LRRC42: variants seen among roughly 807,000 people sequenced by gnomAD.
LRRC42 encodes leucine-rich repeat-containing protein 42.
Under a neutral mutation model 44.3 loss-of-function variants are expected in LRRC42, and 43 were observed. That is an observed-to-expected ratio of 0.97 (90% CI 0.76 to 1.25). LRRC42 has a LOEUF of 1.25. Among genes scored for constraint, LRRC42 ranks in the 50% most tolerant of loss-of-function variants. LRRC42 has a pLI of 0.00. For synonymous variants in LRRC42, 207 were observed against 195.2 expected (o/e 1.06, Z -0.50); for missense variants, 540 against 509.1 (o/e 1.06, Z -0.58).
intron 1 of LRRC42, among the ~76,000 whole-genome samples, chr1:53,947,187 ACAGCAAGCCACCTTTCAC>A (rs1654517823): frequency 6.6e-6 from 1 of 151,720 alleles, no homozygotes. Context: ...GGTCTGTGGG[ACAGCAAGCCACCTTTCAC>A]CAGGGGCTCG....
At chr1:53,959,081 G>C (rs1654927076) in intron 4 of LRRC42, among the ~76,000 whole-genome samples, 1 of 151,762 alleles carries the variant, frequency 6.6e-6, no homozygotes, top group African/African-American at 2.4e-5. Flanking sequence ...CGGGGGTTTT[G>C]CCATGTTGGC....
chr1:53,956,760 C>T (rs1327257109), intron 3 of LRRC42, among the ~76,000 whole-genome samples: 1 of 152,224 alleles, frequency 6.6e-6, no homozygotes, highest in East Asian at 1.9e-4. Context: ...AATCACATTA[C>T]ACAGTGTTAT....
intron 8 of LRRC42, among the ~76,000 whole-genome samples, chr1:53,966,682 A>C (rs977578264): frequency 1.3e-4 from 20 of 152,180 alleles, no homozygotes; most frequent in African/African-American, 4.1e-4. Context: ...GTGTAGCCAG[A>C]GGGTGGAAGC....
chr1:53,952,290 C>T lies in LRRC42; in HGVS notation c.291C>T (p.Ile97=), dbSNP rs768654243. Residue 97 remains isoleucine, a synonymous_variant, in exon 3 of 9, where the codon ATC becomes ATT. Coordinates refer to ENST00000371370, the MANE Select transcript of LRRC42 (RefSeq NM_001256409.2). Reference sequence around the variant, plus strand: ...TCTTCAGCCTTGTCCTGGGTTTCATCTCCGACAATGTGGATCACATTGATT... The same window carrying T: ...TCTTCAGCCTTGTCCTGGGTTTCATTTCCGACAATGTGGATCACATTGATT... ...KSLFSLVLGF[I]SDNVDHIDSL... 2 of 1,614,100 alleles carry T rather than the reference C, an allele frequency of 1.2e-6. No homozygotes were observed. Among genetic ancestry groups the T allele is most frequent in the Non-Finnish European group, 1.7e-6 (2 of 1,180,044 alleles).
chr1:53,953,132 C>T (rs1276731209), intron 3 of LRRC42, among the ~76,000 whole-genome samples: 1 of 152,172 alleles, frequency 6.6e-6, no homozygotes, highest in Non-Finnish European at 1.5e-5. Flanking sequence ...CACAAAGTGG[C>T]ATAAAATGAA....
intron 4 of LRRC42, 146 bp downstream of exon 4, chr1:53,958,426 A>G (rs1454254547): frequency 2.8e-6 from 3 of 1,054,534 alleles, no homozygotes; most frequent in Non-Finnish European, 4.1e-6. Flanking sequence ...ATCTCCATTT[A>G]CTTGGTATAA....
At chr1:53,959,475 A>C (rs1329457814) in intron 4 of LRRC42, among the ~76,000 whole-genome samples, 6 of 152,208 alleles carry the variant, frequency 3.9e-5, no homozygotes, top group Non-Finnish European at 8.8e-5. Context: ...TGCTTCTGAC[A>C]GTGACACCTA....
chr1:53,946,737 G>A (rs1654484031), intron 1 of LRRC42, among the ~76,000 whole-genome samples, 188 bp downstream of exon 1: 1 of 151,716 alleles, frequency 6.6e-6, no homozygotes, highest in African/African-American at 2.4e-5. Flanking sequence ...GGGTGCGGGG[G>A]CAGGCTATGG....
At chr1:53,958,697 C>T (rs1222019394) in intron 4 of LRRC42, among the ~76,000 whole-genome samples, 2 of 151,250 alleles carry the variant, frequency 1.3e-5, no homozygotes, top group Non-Finnish European at 2.9e-5. Context: ...AGCAATTCTC[C>T]TGCGTCAGCC....
intron 3 of LRRC42, among the ~76,000 whole-genome samples, chr1:53,953,586 C>T (rs1654752092): frequency 6.6e-6 from 1 of 152,052 alleles, no homozygotes; most frequent in Admixed American, 6.5e-5. Context: ...GTGTCGATCT[C>T]CTGACCTCAT....
chr1:53,950,294 C>A (rs935538497), intron 2 of LRRC42, among the ~76,000 whole-genome samples: 5 of 152,168 alleles, frequency 3.3e-5, no homozygotes, highest in Non-Finnish European at 7.4e-5. Flanking sequence ...AGAGCATGGC[C>A]AGTTTACCTG....
Position 53,967,939 on chromosome 1 carries a change from AT to A in LRRC42, c.*2del. On this transcript the variant is annotated 3_prime_UTR_variant, in exon 9 of 9. Transcript: ENST00000371370. ...ACTGGGACTTGTTAAATTCCTATTG[AT>A]TAGTAGATACAAGTTGACCTTTCTC... 1 of 1,611,218 alleles carries A rather than the reference AT, an allele frequency of 6.2e-7. No homozygotes were observed. Among genetic ancestry groups the A allele is most frequent in the African/African-American group, 1.3e-5 (1 of 74,908 alleles).
Position 53,950,140 on chromosome 1 carries a change from C to G in LRRC42, c.-14-1846C>G, listed in dbSNP as rs1340152297. Among the ~76,000 whole-genome samples, 4 of 152,178 alleles carry G rather than the reference C, an allele frequency of 2.6e-5. No homozygotes were observed. In the South Asian group the frequency reaches 6.2e-4, roughly 24 times the overall value. ...GACTGGGTGCTCTGGGAAAACCAGA[C>G]AGGCACGTACTGGTGCAGGGGTTAG... On this transcript the variant is annotated intron_variant, in intron 2 of 8. Transcript: ENST00000371370.
Position 53,952,211 on chromosome 1 carries a change from A to T in LRRC42, c.212A>T (p.His71Leu). The T allele has an allele frequency of 6.2e-7, 1 of 1,614,202 alleles. No individual in the cohort carries two copies. The highest frequency in any genetic ancestry group is 8.5e-7 in the Non-Finnish European group (1 of 1,180,042). ...DDTARKEKTDHFIFTYTREGN... is the reference protein window; with the variant it reads ...DDTARKEKTDLFIFTYTREGN... ...ACTGCACGGAAAGAGAAGACTGATC[A>T]TTTCATCTTCACATACACCCGAGAG... The change falls in exon 3 of 9, where the codon CAT becomes CTT. Residue 71 changes from histidine (H) to leucine (L), a missense_variant. Physicochemically the swap from His to Leu is moderately conservative, Grantham distance 99 (BLOSUM62 -3). Coordinates refer to ENST00000371370, the MANE Select transcript of LRRC42 (RefSeq NM_001256409.2).
chr1:53,962,219 G>C (rs1655015345), intron 6 of LRRC42, 77 bp from the exon 7 acceptor site: 3 of 1,431,748 alleles, frequency 2.1e-6, no homozygotes, highest in Non-Finnish European at 3.0e-6. Flanking sequence ...TATTTATGAT[G>C]GTCTTTATTT....
At chr1:53,958,644 T>G (rs1174324522) in intron 4 of LRRC42, among the ~76,000 whole-genome samples, 1 of 152,234 alleles carries the variant, frequency 6.6e-6, no homozygotes, top group East Asian at 1.9e-4. Flanking sequence ...TGGAGTGCAA[T>G]GGCACGATCT....
intron 3 of LRRC42, among the ~76,000 whole-genome samples, chr1:53,955,599 G>GA (rs1016536797): frequency 6.8e-6 from 1 of 146,532 alleles, no homozygotes; most frequent in African/African-American, 2.5e-5. Context: ...TGCCCAGCCA[G>GA]AAAATATAGG....
rs751146224 is a variant in LRRC42, at chr1:53,952,322, T to C, written c.323T>C (p.Ile108Thr). Residue 108 changes from isoleucine (I) to threonine (T), a missense_variant, in exon 3 of 9, where the codon ATT becomes ACT. Physicochemically the swap from Ile to Thr is moderately conservative, Grantham distance 89 (BLOSUM62 -1). Coordinates refer to ENST00000371370, the MANE Select transcript of LRRC42 (RefSeq NM_001256409.2). ...SDNVDHIDSLIGFPEQIAEKL... is the reference protein window; with the variant it reads ...SDNVDHIDSLTGFPEQIAEKL... Reference sequence around the variant, plus strand: ...AATGTGGATCACATTGATTCCCTTATTGGCTTTCCTGAGCAGATTGCTGAA... The same window carrying C: ...AATGTGGATCACATTGATTCCCTTACTGGCTTTCCTGAGCAGATTGCTGAA... 2 of 1,614,250 alleles carry C rather than the reference T, an allele frequency of 1.2e-6. No individual in the cohort carries two copies. The highest frequency in any genetic ancestry group is 1.7e-6 in the Non-Finnish European group (2 of 1,180,020).
At chr1:53,959,216 G>A (rs1039408491) in intron 4 of LRRC42, among the ~76,000 whole-genome samples, 8 of 152,130 alleles carry the variant, frequency 5.3e-5, no homozygotes, top group Admixed American at 1.3e-4. Context: ...AATCATTATC[G>A]TTTGCTACTT....
Sources: gnomAD v4.1 joint callset for allele counts (sites outside exome capture counted in the v4.1 genomes callset) on GRCh38, gnomAD v4.1.1 for gene constraint, MANE v1.5 for transcripts, NCBI Gene and HGNC (gene_info 2026-07-23, HGNC 2026-07-21) for gene names.